Variants in SCFD2 observed in about 807,000 individuals in gnomAD.
SCFD2 encodes sec1 family domain containing 2, also known as sec1 family domain-containing protein 2.
SCFD2 carries 54 observed loss-of-function variants against 58.9 expected under a neutral mutation model. The ratio of observed to expected loss-of-function variants is 0.92; its 90% CI spans 0.74 to 1.15. The LOEUF (loss-of-function observed/expected upper bound fraction) is 1.15. Ranked by LOEUF, SCFD2 falls within the 50% of genes most tolerant of loss-of-function variation. SCFD2 has a pLI of 0.00. For missense variants in SCFD2, 805 were observed against 836.6 expected (o/e 0.96, Z 0.47); for synonymous variants, 321 against 335.9 (o/e 0.96, Z 0.49).
At chr4:53,039,804 C>T (rs1230634478) in intron 5 of SCFD2, among the ~76,000 whole-genome samples, 1 of 152,182 alleles carries the variant, frequency 6.6e-6, no homozygotes, top group Non-Finnish European at 1.5e-5. Flanking sequence ...GACATTGTGA[C>T]GTAAGACCAT....
At chr4:53,076,512 T>TC (rs756541078) in intron 5 of SCFD2, among the ~76,000 whole-genome samples, 114 of 151,924 alleles carry the variant, frequency 7.5e-4, no homozygotes, top group Non-Finnish European at 1.3e-3. Flanking sequence ...CCCAAGCCAC[T>TC]CCGGGGCTAA....
rs138123728 is a variant in SCFD2, at chr4:52,944,075, G to T, written c.1562-23205C>A. Among the ~76,000 whole-genome samples, 75 of 152,058 alleles carry T rather than the reference G, an allele frequency of 4.9e-4. No homozygotes were observed. The East Asian group carries it at 0.015, about 29-fold the overall frequency. On this transcript the variant is annotated intron_variant, in intron 5 of 8. Coordinates refer to ENST00000401642, the MANE Select transcript of SCFD2 (RefSeq NM_152540.4). ...ATGAGCACTAAAAATATTCTTAATG[G>T]GCCTTATTGAATGATAGATAACACT...
chr4:53,325,299 T>G (rs1391428012), intron 2 of SCFD2, among the ~76,000 whole-genome samples: 2 of 151,266 alleles, frequency 1.3e-5, no homozygotes, highest in Non-Finnish European at 2.9e-5. Flanking sequence ...AACACATTCC[T>G]AGAAGCTCTC....
chr4:53,099,952 C>T (rs1260464211), intron 5 of SCFD2, among the ~76,000 whole-genome samples: 1 of 152,064 alleles, frequency 6.6e-6, no homozygotes, highest in East Asian at 1.9e-4. Flanking sequence ...TGAATTGAAC[C>T]TCATTCTAGT....
chr4:53,242,844 G>A (rs753374203), intron 4 of SCFD2, among the ~76,000 whole-genome samples: 5 of 152,102 alleles, frequency 3.3e-5, no homozygotes, highest in African/African-American at 4.8e-5. Flanking sequence ...AATATCACAA[G>A]TACTAACAAC....
At chr4:52,907,717 T>G (rs1719382242) in intron 6 of SCFD2, 126 bp from the exon 7 acceptor site, 2 of 672,196 alleles carry the variant, frequency 3.0e-6, no homozygotes, top group Non-Finnish European at 5.1e-6. Flanking sequence ...TATGTGTGTG[T>G]GTGTGTGTGT....
rs535497700 is a variant in SCFD2, at chr4:53,286,010, G to A, written c.1136-12009C>T. ...TTGAAACTAGAGCCTCTGCTAGAGT[G>A]TACCCTTCTCTGGGGGAAGAGTAGC... On this transcript the variant is annotated intron_variant, in intron 3 of 8. Transcript: ENST00000401642. Among the ~76,000 whole-genome samples the A allele has an allele frequency of 3.9e-5, 6 of 152,234 alleles. No homozygotes were observed. In the East Asian group the frequency reaches 1.2e-3, roughly 29 times the overall value.
chr4:53,116,548 A>G (rs769572662), intron 5 of SCFD2, among the ~76,000 whole-genome samples: 1 of 152,232 alleles, frequency 6.6e-6, no homozygotes, highest in Non-Finnish European at 1.5e-5. Context: ...AAAGCTGGAA[A>G]TATTTGGTGA....
chr4:53,094,723 A>T (rs566843999), intron 5 of SCFD2, among the ~76,000 whole-genome samples: 1 of 152,084 alleles, frequency 6.6e-6, no homozygotes, highest in Non-Finnish European at 1.5e-5. Flanking sequence ...TCTTAAAAAA[A>T]AAAATCTCTG....
chr4:53,260,213 C>T (rs1730788461), intron 4 of SCFD2, among the ~76,000 whole-genome samples: 2 of 152,116 alleles, frequency 1.3e-5, no homozygotes, highest in East Asian at 3.9e-4. Context: ...ATTTGGATGC[C>T]TTTTATTTCC....
At chr4:53,252,863 G>A (rs1404281390) in intron 4 of SCFD2, among the ~76,000 whole-genome samples, 2 of 152,076 alleles carry the variant, frequency 1.3e-5, no homozygotes, top group African/African-American at 2.4e-5. Flanking sequence ...AAAAGCAATG[G>A]CAACAAAAGC....
intron 2 of SCFD2, among the ~76,000 whole-genome samples, chr4:53,333,251 T>A (rs1303753361): frequency 1.3e-5 from 2 of 148,158 alleles, no homozygotes; most frequent in Non-Finnish European, 3.0e-5. Context: ...AAAACTACTT[T>A]AAAGTTCATA....
intron 4 of SCFD2, among the ~76,000 whole-genome samples, chr4:53,231,509 T>C (rs141688836): frequency 9.8e-5 from 15 of 152,328 alleles, no homozygotes; most frequent in Non-Finnish European, 2.2e-4. Flanking sequence ...CTTTAGTCTA[T>C]ATTTTCTCTT....
chr4:53,156,093 T>G (rs1486810491), intron 4 of SCFD2, among the ~76,000 whole-genome samples: 1 of 152,132 alleles, frequency 6.6e-6, no homozygotes, highest in Non-Finnish European at 1.5e-5. Flanking sequence ...ACTTAAGAGC[T>G]CTTGATATGG....
chr4:52,965,014 A>AACAC (rs146576584), intron 5 of SCFD2, among the ~76,000 whole-genome samples: 1,601 of 144,942 alleles, frequency 0.011, 21 homozygotes, highest in Middle Eastern at 0.056. Context: ...ACAAAACACA[A>AACAC]ACACACACAC....
At chr4:53,328,092 G>A (rs1733270435) in intron 2 of SCFD2, among the ~76,000 whole-genome samples, 1 of 151,760 alleles carries the variant, frequency 6.6e-6, no homozygotes, top group African/African-American at 2.4e-5. Context: ...CCGAGATAGT[G>A]CCACTGCAAC....
At position 53,002,066 on chromosome 4, in the gene SCFD2, G is replaced by A. The variant is rs148753196; in HGVS notation, c.1562-81196C>T. Among the ~76,000 whole-genome samples the A allele has an allele frequency of 1.6e-3, 237 of 152,284 alleles. 2 individuals are homozygous for A. The highest frequency in any genetic ancestry group is 5.3e-3 in the African/African-American group (219 of 41,538). On this transcript the variant is annotated intron_variant, in intron 5 of 8. Transcript: ENST00000401642. ...TTGGATGTCCTGTAATAATCTGACA[G>A]CTTGGTCATGGTTGTCAAGGAGAAG...
At chr4:53,343,710 T>C (rs1197523957) in intron 2 of SCFD2, among the ~76,000 whole-genome samples, 2 of 152,100 alleles carry the variant, frequency 1.3e-5, no homozygotes, top group African/African-American at 4.8e-5. Flanking sequence ...CCCAATAAAA[T>C]ACTGGCAAAC....
intron 5 of SCFD2, among the ~76,000 whole-genome samples, chr4:52,997,710 G>A (rs1721774993): frequency 6.6e-6 from 1 of 152,166 alleles, no homozygotes; most frequent in South Asian, 2.1e-4. Flanking sequence ...AGACCCAGAG[G>A]CTTCTATATG....
Sources: allele counts gnomAD v4.1 joint callset (sites outside exome capture counted in the v4.1 genomes callset), GRCh38; gene constraint gnomAD v4.1.1; transcripts MANE v1.5; gene names NCBI Gene and HGNC (gene_info 2026-07-23, HGNC 2026-07-21).